C20orf173: variants seen among roughly 807,000 people sequenced by gnomAD.
C20orf173 encodes chromosome 20 open reading frame 173.
Under a neutral mutation model 26.7 loss-of-function variants are expected in C20orf173, and 22 were observed. That is an observed-to-expected ratio of 0.82 (90% CI 0.59 to 1.18). C20orf173 has a LOEUF of 1.18. C20orf173 is among the 50% of genes most tolerant of loss of function. C20orf173 has a pLI of 0.00. For missense variants in C20orf173, 210 were observed against 250.3 expected, an observed-to-expected ratio of 0.84 and a Z score of 1.09; for synonymous variants, 85 against 96.4, an observed-to-expected ratio of 0.88 and a Z score of 0.69.
downstream of C20orf173, among the ~76,000 whole-genome samples, chr20:35,523,724 G>A (rs1446937890): frequency 2.0e-5 from 3 of 152,204 alleles, no homozygotes; most frequent in Admixed American, 2.0e-4. Context: ...CAGATGACCA[G>A]GGAGGTGTGG....
In C20orf173 at chr20:35,528,765, G is replaced by C; in HGVS notation, c.424C>G (p.Arg142Gly). Residue 142 changes from arginine (R) to glycine (G), a missense_variant, in exon 3 of 6, where the codon CGC becomes GGC. Arg to Gly is a moderately radical substitution (Grantham distance 125, BLOSUM62 -2). Transcript: ENST00000444723. The stretch of plus-strand genomic sequence containing the variant: ...CTGGAGCCCTGCGGGATCTGTGGGC[G>C]CCCCAACAGCACACAAGTCCCACAA... ...FYCGTCVLLG[R>G]PQIPQGSSLG... 1 of 1,548,688 alleles carries C rather than the reference G, an allele frequency of 6.5e-7. No homozygotes were observed. Among genetic ancestry groups the C allele is most frequent in the Non-Finnish European group, 8.7e-7 (1 of 1,146,002 alleles).
At chr20:35,523,795 G>A (rs76701946), downstream of C20orf173, among the ~76,000 whole-genome samples, 104 of 152,262 alleles carry the variant, frequency 6.8e-4, no homozygotes, top group East Asian at 0.011. Context: ...GGCTGGGGTG[G>A]GTGAGCAGGA....
chr20:35,527,546 T>C (rs1601347440), intron 5 of C20orf173, among the ~76,000 whole-genome samples: 1 of 152,010 alleles, frequency 6.6e-6, no homozygotes, highest in Non-Finnish European at 1.5e-5. Context: ...AGGCAGCTCA[T>C]GTGTCTGGGG....
At chr20:35,522,621 G>A (rs1290276215), downstream of C20orf173, 1 of 152,736 alleles carries the variant, frequency 6.5e-6, no homozygotes, top group African/African-American at 2.4e-5. Context: ...TCATTTAGAG[G>A]AGGAAAAGGC....
rs1473993151 is a variant in C20orf173 at position 35,529,164 on chromosome 20, G to C, written c.210C>G (p.Ala70=). ...ACGCATCAAGCCAGTTCCATTCGTC[G>C]GCTGTGTGGTGGCAGGAGGAGCAGT... ...TLNCSSCHHT[A]DEWNWLDACS... Residue 70 remains alanine, a synonymous_variant, in exon 2 of 6, where the codon GCC becomes GCG. Coordinates refer to ENST00000444723, the MANE Select transcript of C20orf173 (RefSeq NM_001145350.2). 3 of 1,551,652 alleles carry C rather than the reference G, an allele frequency of 1.9e-6. No individual in the cohort carries two copies. Among genetic ancestry groups the C allele is most frequent in the South Asian group, 1.2e-5 (1 of 84,054 alleles).
At chr20:35,523,997 G>A (rs909985805), downstream of C20orf173, among the ~76,000 whole-genome samples, 1 of 151,970 alleles carries the variant, frequency 6.6e-6, no homozygotes, top group Non-Finnish European at 1.5e-5. Flanking sequence ...ACCTCTCAGG[G>A]GTCGACTTTT....
In C20orf173 at chr20:35,529,164, G is replaced by A. The variant is rs1473993151; in HGVS notation, c.210C>T (p.Ala70=). 23 of 1,551,534 alleles carry A rather than the reference G, an allele frequency of 1.5e-5. No homozygotes were observed. The highest frequency in any genetic ancestry group is 4.8e-5 in the South Asian group (4 of 84,058). ...ACGCATCAAGCCAGTTCCATTCGTC[G>A]GCTGTGTGGTGGCAGGAGGAGCAGT... ...TLNCSSCHHT[A]DEWNWLDACS... is the part of the protein sequence containing the mutation. Residue 70 remains alanine (A), a synonymous_variant, in exon 2 of 6, where the codon GCC becomes GCT. Coordinates refer to ENST00000444723, the MANE Select transcript of C20orf173 (RefSeq NM_001145350.2).
In C20orf173 at chr20:35,528,793, G is replaced by C. The variant is rs925619275; in HGVS notation, c.396C>G (p.Phe132Leu). Residue 132 changes from phenylalanine to leucine, a missense_variant, in exon 3 of 6, where the codon TTC (phenylalanine) becomes TTG (leucine). Coordinates refer to ENST00000444723, the MANE Select transcript of C20orf173 (RefSeq NM_001145350.2). Reference protein sequence around the residue: ...IPRLSVSHFDFYCGTCVLLGR... With the variant: ...IPRLSVSHFDLYCGTCVLLGR... ...CCAACAGCACACAAGTCCCACAATA[G>C]AAATCAAAATGGCTCACCGAGAGCC... is the stretch of plus-strand genomic sequence containing the variant. 3.9e-6 allele frequency: 6 copies of C among 1,550,882 alleles called. No homozygotes were observed. The highest frequency in any genetic ancestry group is 5.2e-6 in the Non-Finnish European group (6 of 1,146,804).
Position 35,529,063 on chromosome 20 carries a change from A to G in C20orf173, c.309+2T>C. The stretch of plus-strand genomic sequence containing the variant: ...TGGCCGGGCCCAGTGTTGACCACTG[A>G]CCAACCACCAGAGCACAGTGTCAGA... On this transcript the variant is annotated splice_donor_variant, in intron 2 of 5. Transcript: ENST00000444723. LOFTEE classifies it high-confidence loss of function. 6.5e-7 allele frequency: 1 copy of G among 1,548,264 alleles called. No homozygotes were observed. The highest frequency in any genetic ancestry group is 1.7e-4 in the Middle Eastern group (1 of 5,984).
rs775075670 is a variant in C20orf173, at chr20:35,528,552, A to G, written c.489-8T>C. 5.7e-5 allele frequency: 89 copies of G among 1,551,468 alleles called. No individual in the cohort carries two copies. Among genetic ancestry groups the G allele is most frequent in the Non-Finnish European group, 7.7e-5 (88 of 1,146,954 alleles). On this transcript the variant is annotated splice_polypyrimidine_tract_variant and splice_region_variant and intron_variant, in intron 3 of 5. Transcript: ENST00000444723. The stretch of plus-strand genomic sequence containing the variant: ...CCCTGGTCGCTGGCATTCCTGGGAT[A>G]GATGAAGCATTGTGTGTGGTTTGGT...
At chr20:35,527,978 A>C (rs2064515403) in intron 5 of C20orf173, among the ~76,000 whole-genome samples, 1 of 152,208 alleles carries the variant, frequency 6.6e-6, no homozygotes, top group African/African-American at 2.4e-5. Context: ...AAAGCCAGGC[A>C]GAAAACTTTA....
chr20:35,528,188 A>G (rs2064517242), intron 5 of C20orf173, 45 bp downstream of exon 5: 2 of 1,526,544 alleles, frequency 1.3e-6, no homozygotes, highest in Non-Finnish European at 8.9e-7. Flanking sequence ...CCCTTCCCAC[A>G]GCAACCCACA....
chr20:35,521,591 A>C (rs139899631), downstream of C20orf173, among the ~76,000 whole-genome samples: 3 of 151,290 alleles, frequency 2.0e-5, no homozygotes, highest in Non-Finnish European at 4.4e-5. Flanking sequence ...ATTTAACGGG[A>C]AGTCCTTGGG....
downstream of C20orf173, among the ~76,000 whole-genome samples, chr20:35,526,722 AAAAAAAC>A (rs1394259543): frequency 6.6e-6 from 1 of 151,718 alleles, no homozygotes; most frequent in Non-Finnish European, 1.5e-5. Flanking sequence ...AAAGCTGGGC[AAAAAAAC>A]AAAAAACAAA....
downstream of C20orf173, among the ~76,000 whole-genome samples, chr20:35,523,880 C>T (rs986182492): frequency 1.3e-5 from 2 of 152,116 alleles, no homozygotes; most frequent in African/African-American, 4.8e-5. Flanking sequence ...GAGGCCAAGG[C>T]AGGAGGATCA....
At position 35,529,105 on chromosome 20, in the gene C20orf173, G is replaced by GTACCCCA; in HGVS notation, c.268_269insTGGGGTA (p.Thr90MetfsTer10). 6.4e-7 allele frequency: 1 copy of GTACCCCA among 1,551,696 alleles called. No individual in the cohort carries two copies. Reference sequence around the variant, plus strand: ...AGTGTCAGAGGTCATAGACTCTCTTGTCCTCATCAGGTACCCCATAGTCTT... The same window carrying GTACCCCA: ...AGTGTCAGAGGTCATAGACTCTCTTGTACCCCATCCTCATCAGGTACCCCATAGTCTT... On this transcript the variant is annotated frameshift_variant, in exon 2 of 6. Transcript: ENST00000444723. LOFTEE classifies it high-confidence loss of function.
In C20orf173 at chr20:35,529,070, A is replaced by G. The variant is rs552330641; in HGVS notation, c.304T>C (p.Trp102Arg). 35 of 1,548,884 alleles carry G rather than the reference A, an allele frequency of 2.3e-5. No individual in the cohort carries two copies. The highest frequency in any genetic ancestry group is 3.9e-5 in the Admixed American group (2 of 50,960). ...GCCCAGTGTTGACCACTGACCAACC[A>G]CCAGAGCACAGTGTCAGAGGTCATA... is the stretch of plus-strand genomic sequence containing the variant. ...ESMTSDTVLW[W>R]LGMNSGSELG... is the part of the protein sequence containing the mutation. Residue 102 changes from tryptophan to arginine, a missense_variant, in exon 2 of 6, where the codon TGG (tryptophan) becomes CGG (arginine). Coordinates refer to ENST00000444723, the MANE Select transcript of C20orf173 (RefSeq NM_001145350.2).
chr20:35,522,396 G>A (rs1042287297), downstream of C20orf173: 5 of 151,980 alleles, frequency 3.3e-5, no homozygotes, highest in African/African-American at 1.2e-4. Context: ...CATACCCAGG[G>A]TTTTTTTTGC....
chr20:35,524,186 T>A (rs2064490541), downstream of C20orf173, among the ~76,000 whole-genome samples: 1 of 150,692 alleles, frequency 6.6e-6, no homozygotes, highest in African/African-American at 2.4e-5. Flanking sequence ...CCCGGCTAAT[T>A]TTTTTTTTAC....
Sources: gnomAD v4.1 joint callset for allele counts (sites outside exome capture counted in the v4.1 genomes callset) on GRCh38, gnomAD v4.1.1 for gene constraint, MANE v1.5 for transcripts, NCBI Gene and HGNC (gene_info 2026-07-23, HGNC 2026-07-21) for gene names.